Variants in PIK3C2G observed in about 807,000 individuals in gnomAD.
PIK3C2G encodes phosphatidylinositol-4-phosphate 3-kinase catalytic subunit type 2 gamma, also known as phosphatidylinositol 3-kinase C2 domain-containing subunit gamma.
Under a neutral mutation model 181.1 loss-of-function variants are expected in PIK3C2G, and 168 were observed. The observed-to-expected ratio is 0.93, with a 90% CI of 0.82 to 1.05. PIK3C2G has a LOEUF of 1.05. PIK3C2G is among the 50% of genes least tolerant of loss of function. The pLI is 0.00. For synonymous variants in PIK3C2G, 573 were observed against 592.2 expected (o/e 0.97, Z 0.47); for missense variants, 1,869 against 1,732.8 (o/e 1.08, Z -1.40).
At chr12:18,271,569 C>A (rs899097580) in intron 1 of PIK3C2G, among the ~76,000 whole-genome samples, 7 of 152,088 alleles carry the variant, frequency 4.6e-5, no homozygotes, top group Admixed American at 1.3e-4. Context: ...TTTCCTCTTA[C>A]CAGGGCCACA....
chr12:18,578,865 A>G (rs1946354719), intron 29 of PIK3C2G, among the ~76,000 whole-genome samples: 1 of 152,048 alleles, frequency 6.6e-6, no homozygotes. Flanking sequence ...ACTTGAATCT[A>G]TACTATTTAT....
chr12:18,593,673 C>T (rs1272223829), intron 29 of PIK3C2G, among the ~76,000 whole-genome samples: 1 of 151,760 alleles, frequency 6.6e-6, no homozygotes, highest in Non-Finnish European at 1.5e-5. Flanking sequence ...AAATGTATGC[C>T]AGTTTTACTA....
the PIK3C2G span, chr12:18,714,534 G>A: frequency 6.6e-6 from 1 of 152,218 alleles, no homozygotes; most frequent in African/African-American, 2.4e-5. Context: ...AACTGAATCT[G>A]AGAGCTGACT....
At chr12:18,692,709 T>C in the PIK3C2G span, 1 of 779,376 alleles carries the variant, frequency 1.3e-6, no homozygotes. Flanking sequence ...AATACAGACT[T>C]TGAATCATCA....
At chr12:18,245,454 T>TA (rs1470589244), upstream of PIK3C2G, among the ~76,000 whole-genome samples, 1 of 151,100 alleles carries the variant, frequency 6.6e-6, no homozygotes, top group South Asian at 2.1e-4. Flanking sequence ...TTACTTCATT[T>TA]AAAAAATCTG....
At chr12:18,525,174 TGAGGTCAGAAGTTTGAG>T (rs1943152920) in intron 24 of PIK3C2G, among the ~76,000 whole-genome samples, 4 of 152,008 alleles carry the variant, frequency 2.6e-5, no homozygotes, top group Non-Finnish European at 5.9e-5. Context: ...GTGGATCACC[TGAGGTCAGAAGTTTGAG>T]ACCAGCTGGG....
intron 28 of PIK3C2G, among the ~76,000 whole-genome samples, chr12:18,563,704 T>C (rs1268573304): frequency 6.6e-6 from 1 of 152,178 alleles, no homozygotes; most frequent in African/African-American, 2.4e-5. Flanking sequence ...GCAATTTTCT[T>C]TTTACTTCCA....
In PIK3C2G at chr12:18,599,687, AAAAT is replaced by A. The variant is rs1442637149; in HGVS notation, c.4087+5122_4087+5125del. 3.6e-3 allele frequency among the ~76,000 whole-genome samples: 361 copies of A among 99,238 alleles called. 1 individual carries two copies. The highest frequency in any genetic ancestry group is 0.013 in the African/African-American group (335 of 26,456). 65.1% of individuals were successfully genotyped at this position (99,238 alleles called of 152,430 possible). On this transcript the variant is annotated intron_variant, in intron 30 of 32. Transcript: ENST00000538779. ...ATAAATAAATAAATATAAATAAAAA[AAAAT>A]AAAAATAAAAATAAAGAAAACACAC...
chr12:18,252,537 A>AAGAAAT (rs1948105249), intron 1 of PIK3C2G, among the ~76,000 whole-genome samples: 1 of 152,174 alleles, frequency 6.6e-6, no homozygotes, highest in Non-Finnish European at 1.5e-5. Flanking sequence ...TGAAAACCCA[A>AAGAAAT]AGAAATAGAC....
intron 1 of PIK3C2G, among the ~76,000 whole-genome samples, chr12:18,269,800 A>C (rs1948666909): frequency 1.3e-5 from 2 of 152,242 alleles, no homozygotes; most frequent in African/African-American, 4.8e-5. Context: ...AGTTAAATAA[A>C]ATAGACAAAA....
chr12:18,391,071 A>G, intron 14 of PIK3C2G, 51 bp from the exon 15 acceptor site: 1 of 1,400,920 alleles, frequency 7.1e-7, no homozygotes, highest in Non-Finnish European at 9.6e-7. Flanking sequence ...TAAATCAATA[A>G]TGTATTTTGA....
the PIK3C2G span, among the ~76,000 whole-genome samples, chr12:18,715,110 T>G: frequency 1.0e-4 from 14 of 138,698 alleles, no homozygotes; most frequent in African/African-American, 3.5e-4. Context: ...ATAAAACAAT[T>G]ATAACACTAA....
intron 13 of PIK3C2G, among the ~76,000 whole-genome samples, chr12:18,378,763 A>G (rs1942633705): frequency 6.6e-6 from 1 of 152,248 alleles, no homozygotes; most frequent in African/African-American, 2.4e-5. Context: ...ACATGAAAAA[A>G]TGCTCATCAT....
intron 11 of PIK3C2G, among the ~76,000 whole-genome samples, chr12:18,347,545 C>T (rs1939787993): frequency 6.6e-6 from 1 of 152,160 alleles, no homozygotes; most frequent in Non-Finnish European, 1.5e-5. Flanking sequence ...CACAGTGGCT[C>T]ATGCCTGTAA....
the PIK3C2G span, among the ~76,000 whole-genome samples, chr12:18,702,808 G>T: frequency 3.5e-5 from 5 of 143,478 alleles, no homozygotes; most frequent in South Asian, 1.1e-3. Context: ...AATATTGTAG[G>T]ATAAAGTAAC....
chr12:18,470,871 C>T (rs568114535), intron 18 of PIK3C2G, among the ~76,000 whole-genome samples: 40 of 152,050 alleles, frequency 2.6e-4, no homozygotes, highest in African/African-American at 8.4e-4. Context: ...AATATTATAA[C>T]GTTTTATTAT....
chr12:18,647,952 G>C lies in PIK3C2G; in HGVS notation c.4385G>C (p.Gly1462Ala). ...GTGAAGAGTAAAACTGTATTTGTGG[G>C]AGCAATTAACATCCGACTCTGTAGT... ...LIVKSKTVFV[G>A]AINIRLCSVP... Residue 1462 changes from glycine to alanine, a missense_variant, in exon 33 of 33, where the codon GGA (glycine) becomes GCA (alanine). Transcript: ENST00000538779. The C allele has an allele frequency of 6.2e-7, 1 of 1,601,558 alleles. No homozygotes were observed. The highest frequency in any genetic ancestry group is 1.1e-5 in the South Asian group (1 of 89,666).
At chr12:18,500,950 C>G (rs1290897897) in intron 22 of PIK3C2G, among the ~76,000 whole-genome samples, 1 of 151,906 alleles carries the variant, frequency 6.6e-6, no homozygotes, top group Non-Finnish European at 1.5e-5. Flanking sequence ...ACGAACAACT[C>G]CAGACACACC....
chr12:18,556,727 G>A (rs1945033770), intron 26 of PIK3C2G, among the ~76,000 whole-genome samples: 1 of 152,084 alleles, frequency 6.6e-6, no homozygotes, highest in South Asian at 2.1e-4. Context: ...TCTTTAAAGT[G>A]CTGATGAAGA....
Sources: allele counts gnomAD v4.1 joint callset (sites outside exome capture counted in the v4.1 genomes callset), GRCh38; gene constraint gnomAD v4.1.1; transcripts MANE v1.5; gene names NCBI Gene and HGNC (gene_info 2026-07-23, HGNC 2026-07-21).